Variants in GMDS observed in about 807,000 individuals in gnomAD.
GMDS encodes the protein GDP-mannose 4,6-dehydratase.
In GMDS, 20 loss-of-function variants were observed where a neutral mutation model predicts 49.9. The ratio of observed to expected loss-of-function variants is 0.40; its 90% confidence interval spans 0.28 to 0.58. The LOEUF is 0.58. Ranked by LOEUF, GMDS falls within the 20% of genes least tolerant of loss-of-function variation. The probability of loss-of-function intolerance (pLI) is 0.42; values close to 1 mark genes in which losing one functional copy is unlikely to be tolerated. For synonymous variants in GMDS, 177 were observed against 178.6 expected, an observed-to-expected ratio of 0.99 and a Z score of 0.07; for missense variants, 362 against 481.4, an observed-to-expected ratio of 0.75 and a Z score of 2.32.
chr6:1,970,106 T>C (rs974859217), intron 4 of GMDS, among the ~76,000 whole-genome samples: 6 of 152,148 alleles, frequency 3.9e-5, no homozygotes, highest in Non-Finnish European at 7.4e-5. Flanking sequence ...ACTACAAATG[T>C]GGTGTCGGAA....
rs55688247 is a variant in GMDS, at chr6:1,638,796, C to G, written c.988-14256G>C. Among the ~76,000 whole-genome samples the G allele has an allele frequency of 6.8e-3, 1,035 of 152,238 alleles. 3 individuals carry two copies. Among genetic ancestry groups the G allele is most frequent in the African/African-American group, 0.024 (980 of 41,518 alleles). On this transcript the variant is annotated intron_variant, in intron 9 of 10. Transcript: ENST00000380815. Reference sequence around the variant, plus strand: ...CTACCACCATGACTACTAACAGAAACACAAATATTCCTTAGGGTGTGGAGA... The same window carrying G: ...CTACCACCATGACTACTAACAGAAAGACAAATATTCCTTAGGGTGTGGAGA...
At chr6:1,902,237 T>G (rs1227970443) in intron 7 of GMDS, among the ~76,000 whole-genome samples, 1 of 152,234 alleles carries the variant, frequency 6.6e-6, no homozygotes, top group African/African-American at 2.4e-5. Flanking sequence ...CACATTGTCC[T>G]AGGCCATTCA....
intron 8 of GMDS, among the ~76,000 whole-genome samples, chr6:1,727,229 C>T (rs915813821): frequency 7.2e-5 from 11 of 152,186 alleles, no homozygotes; most frequent in Admixed American, 7.2e-4. Context: ...AGGTTGACAG[C>T]AGTAAGGATC....
At chr6:2,187,525 A>T (rs928945416) in intron 1 of GMDS, among the ~76,000 whole-genome samples, 1 of 152,210 alleles carries the variant, frequency 6.6e-6, no homozygotes, top group Non-Finnish European at 1.5e-5. Context: ...ATTTACATTG[A>T]GAGATACAGT....
chr6:1,655,486 CACACACACAT>C (rs879613226), intron 9 of GMDS, among the ~76,000 whole-genome samples: 10,305 of 58,308 alleles, frequency 0.18, 433 homozygotes, highest in African/African-American at 0.23. Context: ...TACACACACA[CACACACACAT>C]ACACACACAC....
intron 4 of GMDS, among the ~76,000 whole-genome samples, chr6:2,099,148 C>T (rs1225395617): frequency 6.6e-6 from 1 of 152,088 alleles, no homozygotes; most frequent in Non-Finnish European, 1.5e-5. Flanking sequence ...ATTTAGCATA[C>T]ATTTACTACA....
intron 6 of GMDS, among the ~76,000 whole-genome samples, chr6:1,944,009 T>G (rs754266265): frequency 9.9e-5 from 15 of 151,898 alleles, no homozygotes; most frequent in Non-Finnish European, 2.1e-4. Context: ...TTATTTGCAT[T>G]AAAAATGACT....
intron 4 of GMDS, among the ~76,000 whole-genome samples, chr6:2,020,383 A>G (rs115233407): frequency 0.018 from 2,686 of 152,138 alleles, 85 homozygotes; most frequent in African/African-American, 0.062. Context: ...CACATAGAGA[A>G]TCCTAAACAG....
intron 7 of GMDS, among the ~76,000 whole-genome samples, chr6:1,878,015 C>G (rs1190424796): frequency 6.6e-6 from 1 of 152,076 alleles, no homozygotes; most frequent in East Asian, 1.9e-4. Context: ...GTAGAAATGT[C>G]ATTCTTTAAG....
chr6:2,075,579 C>T (rs1446040311), intron 4 of GMDS, among the ~76,000 whole-genome samples: 1 of 152,222 alleles, frequency 6.6e-6, no homozygotes, highest in Non-Finnish European at 1.5e-5. Context: ...CTACAAAGGA[C>T]ATGAACTCAT....
intron 4 of GMDS, among the ~76,000 whole-genome samples, chr6:2,088,211 T>C (rs897474381): frequency 1.3e-5 from 2 of 152,016 alleles, no homozygotes; most frequent in Non-Finnish European, 2.9e-5. Context: ...TAATTAGTGA[T>C]AGCGGAGATC....
At chr6:1,624,984 C>T (rs1762808600) in intron 9 of GMDS, 1 of 153,668 alleles carries the variant, frequency 6.5e-6, no homozygotes, top group African/African-American at 2.4e-5. Flanking sequence ...CCGCTCAGCT[C>T]CTGCCGCAGG....
chr6:1,675,797 G>T (rs1308798239), intron 9 of GMDS, among the ~76,000 whole-genome samples: 1 of 150,820 alleles, frequency 6.6e-6, no homozygotes, highest in Admixed American at 6.6e-5. Flanking sequence ...AGGTTGCAGT[G>T]AGCCGAGATC....
intron 1 of GMDS, among the ~76,000 whole-genome samples, chr6:2,154,145 T>C (rs3800169): frequency 0.17 from 25,095 of 152,070 alleles, 4,819 homozygotes; most frequent in African/African-American, 0.46. Context: ...GTCACAATCA[T>C]GTTTATTGAA....
At chr6:2,013,689 G>C (rs1413812765) in intron 4 of GMDS, among the ~76,000 whole-genome samples, 4 of 151,920 alleles carry the variant, frequency 2.6e-5, no homozygotes, top group African/African-American at 7.3e-5. Flanking sequence ...AAGTCAGTGA[G>C]CTTGAAGATA....
intron 7 of GMDS, among the ~76,000 whole-genome samples, chr6:1,901,496 A>C (rs979794528): frequency 6.6e-6 from 1 of 152,216 alleles, no homozygotes; most frequent in Non-Finnish European, 1.5e-5. Context: ...TATTTTAAGG[A>C]ATTGCAGTAA....
chr6:2,028,999 C>CT (rs911238915), intron 4 of GMDS, among the ~76,000 whole-genome samples: 3 of 148,726 alleles, frequency 2.0e-5, no homozygotes, highest in African/African-American at 7.4e-5. Flanking sequence ...TTCTTTCTTT[C>CT]TTTTTTTTTT....
At chr6:1,890,731 T>C (rs13197177) in intron 7 of GMDS, among the ~76,000 whole-genome samples, 12,081 of 152,198 alleles carry the variant, frequency 0.079, 525 homozygotes, top group South Asian at 0.15. Context: ...TAATGTACCT[T>C]TTACCAAAGC....
intron 4 of GMDS, among the ~76,000 whole-genome samples, chr6:2,002,809 T>C (rs1344318895): frequency 6.6e-6 from 1 of 152,192 alleles, no homozygotes; most frequent in African/African-American, 2.4e-5. Context: ...TTCAAAGTGT[T>C]ACACCTGTAA....
Sources: allele counts gnomAD v4.1 joint callset (sites outside exome capture counted in the v4.1 genomes callset), GRCh38; gene constraint gnomAD v4.1.1; transcripts MANE v1.5; gene names NCBI Gene and HGNC (gene_info 2026-07-23, HGNC 2026-07-21).